The following NRBP1 variants were observed in gnomAD, a reference collection of about 807,000 sequenced individuals.
The protein encoded by NRBP1 is nuclear receptor binding protein 1.
NRBP1 carries 10 observed loss-of-function variants against 76.0 expected under a neutral mutation model. That is an observed-to-expected ratio of 0.13 (90% confidence interval 0.08 to 0.22). NRBP1 has a LOEUF of 0.22. Ranked by LOEUF, NRBP1 falls within the 10% of genes least tolerant of loss-of-function variation. NRBP1 has a pLI of 1.00. For missense variants in NRBP1, 344 were observed against 646.0 expected, an observed-to-expected ratio of 0.53 and a Z score of 5.07; for synonymous variants, 235 against 240.2, an observed-to-expected ratio of 0.98 and a Z score of 0.20.
At chr2:27,433,869 G>A in intron 3 of NRBP1, 74 bp downstream of exon 3, 1 of 1,610,888 alleles carries the variant, frequency 6.2e-7, no homozygotes. Context: ...GTGTTGGGAA[G>A]CTGCCCGTGA....
Position 27,440,445 on chromosome 2 carries a change from T to C in NRBP1, c.1079T>C (p.Met360Thr), listed in dbSNP as rs1664492902. ...GCTCTAGAGGAGATCACCAAAAACA[T>C]GGATACTAGTGCCGTACTGGCTGAA... ...ENALEEITKN[M>T]DTSAVLAEIP... Residue 360 changes from methionine to threonine, a missense_variant, in exon 12 of 18, where the codon ATG becomes ACG. Met to Thr is a moderately conservative substitution (Grantham distance 81). Transcript: ENST00000379852. The C allele has an allele frequency of 6.2e-7, 1 of 1,614,048 alleles. No homozygotes were observed. The highest frequency in any genetic ancestry group is 2.2e-5 in the East Asian group (1 of 44,878).
rs1208085042 is a variant in NRBP1 at position 27,433,414 on chromosome 2, A to C, written c.141A>C (p.Glu47Asp). The change falls in exon 2 of 18, where the codon GAA becomes GAC. Residue 47 changes from glutamate (E) to aspartate (D), a missense_variant. Glu to Asp is a conservative substitution (Grantham distance 45). Around this residue, in one of 3 missense-constraint regions of NRBP1, gnomAD observed 73 missense variants for 287.8 expected, o/e 0.25. Coordinates refer to ENST00000379852, the MANE Select transcript of NRBP1 (RefSeq NM_013392.4). Reference protein sequence around the residue: ...TTSAASPEEEEESEDESEILE... With the variant: ...TTSAASPEEEDESEDESEILE... ...CAGCTGCTTCCCCAGAGGAAGAAGAAGAAAGTGAAGATGAGTCTGAGATTT... is the reference window on the plus strand; with the variant it reads ...CAGCTGCTTCCCCAGAGGAAGAAGACGAAAGTGAAGATGAGTCTGAGATTT... 2 of 1,614,266 alleles carry C rather than the reference A, an allele frequency of 1.2e-6. No homozygotes were observed. The highest frequency in any genetic ancestry group is 4.5e-5 in the East Asian group (2 of 44,886).
chr2:27,429,536 C>T (rs1394427265), intron 1 of NRBP1, among the ~76,000 whole-genome samples: 1 of 147,024 alleles, frequency 6.8e-6, no homozygotes, highest in Non-Finnish European at 1.5e-5. Context: ...CGGCGAGAAT[C>T]CCCTTATGGG....
chr2:27,441,083 T>G, intron 14 of NRBP1, 44 bp from the exon 15 acceptor site: 3 of 1,611,718 alleles, frequency 1.9e-6, no homozygotes, highest in Non-Finnish European at 2.5e-6. Context: ...GTATTGGGTT[T>G]TTTATGGACA....
At chr2:27,435,344 G>A in intron 7 of NRBP1, 117 bp downstream of exon 7, 1 of 771,596 alleles carries the variant, frequency 1.3e-6, no homozygotes, top group South Asian at 1.7e-5. Context: ...CTGGTGAGAA[G>A]AGAAAGGACC....
At chr2:27,428,452 C>T, upstream of NRBP1, 6 of 390,258 alleles carry the variant, frequency 1.5e-5, no homozygotes, top group Non-Finnish European at 2.7e-5. Flanking sequence ...AAAACATCGA[C>T]CCCTCCGAGA....
chr2:27,439,700 G>A, intron 10 of NRBP1, 66 bp from the exon 11 acceptor site: 1 of 1,589,176 alleles, frequency 6.3e-7, no homozygotes, highest in South Asian at 1.1e-5. Flanking sequence ...TAGAATGAGA[G>A]CTATAAAGAT....
intron 10 of NRBP1, among the ~76,000 whole-genome samples, chr2:27,439,484 CAA>C (rs70953858): frequency 8.3e-4 from 55 of 66,648 alleles, no homozygotes; most frequent in African/African-American, 6.4e-4. Flanking sequence ...GACTCCGTCT[CAA>C]AAAAAAAAAA....
rs891896486 is a variant in NRBP1 at position 27,428,681 on chromosome 2, C to A, written c.-71C>A. The A allele has an allele frequency of 4.3e-5, 17 of 397,970 alleles. No individual in the cohort carries two copies. The highest frequency in any genetic ancestry group is 2.6e-4 in the Admixed American group (6 of 22,702). 24.7% of individuals were successfully genotyped at this position (397,970 alleles called of 1,614,324 possible). ...AGGGAGTCGCTGTGATCCGGGGCCC[C>A]GGAACCCGAGCTGGAGCTGAAGCGC... On this transcript the variant is annotated 5_prime_UTR_variant, in exon 1 of 18. Transcript: ENST00000379852.
In NRBP1 at chr2:27,441,271, C is replaced by A. The variant is rs1186395768; in HGVS notation, c.1388C>A (p.Thr463Lys). ...TCTGACTGTCCTATTCTCCAGCTGA[C>A]ACTTCTGCTGAAGTTGGAGGACAAA... Reference protein sequence around the residue: ...SVEEGVKHHLTLLLKLEDKLN... With the variant: ...SVEEGVKHHLKLLLKLEDKLN... The change falls in exon 16 of 18, where the codon ACA (threonine) becomes AAA (lysine). Residue 463 changes from threonine to lysine, a missense_variant. Around this residue, in one of 3 missense-constraint regions of NRBP1, gnomAD observed 218 missense variants for 309.8 expected, o/e 0.70. Coordinates refer to ENST00000379852, the MANE Select transcript of NRBP1 (RefSeq NM_013392.4). 1 of 1,614,010 alleles carries A rather than the reference C, an allele frequency of 6.2e-7. No individual in the cohort carries two copies.
In NRBP1 at chr2:27,433,498, C is replaced by T. The variant is rs372939462; in HGVS notation, c.210+15C>T. 1.3e-5 allele frequency: 21 copies of T among 1,612,826 alleles called. No homozygotes were observed. The African/African-American group carries it at 2.7e-4, about 21-fold the overall frequency. ...GGCGAGAAGAGGTAAGGTTATGGTACAGTTACTCTTGGGTGAGTGAATTCT... is the reference window on the plus strand; with the variant it reads ...GGCGAGAAGAGGTAAGGTTATGGTATAGTTACTCTTGGGTGAGTGAATTCT... On this transcript the variant is annotated intron_variant, in intron 2 of 17. Transcript: ENST00000379852.
At chr2:27,433,621 T>C in intron 2 of NRBP1, 52 bp from the exon 3 acceptor site, 1 of 1,612,108 alleles carries the variant, frequency 6.2e-7, no homozygotes, top group Non-Finnish European at 8.5e-7. Flanking sequence ...AGTGTTAAAA[T>C]GGAGGATTTG....
chr2:27,430,655 T>C (rs1664078082), intron 1 of NRBP1, among the ~76,000 whole-genome samples: 1 of 151,722 alleles, frequency 6.6e-6, no homozygotes, highest in South Asian at 2.1e-4. Flanking sequence ...TATTTTTGTA[T>C]TTTTTTGTTG....
In NRBP1 at chr2:27,440,654, A is replaced by C; in HGVS notation, c.1145A>C (p.Tyr382Ser). ...GPGREPVQTLYSQSPALELDK... is the reference protein window; with the variant it reads ...GPGREPVQTLSSQSPALELDK... The stretch of plus-strand genomic sequence containing the variant: ...CTCCTTTCTCTTTTCTCGTCCAGGT[A>C]CTCTCAGTCACCAGCTCTGGAATTA... The change falls in exon 13 of 18, where the codon TAC (tyrosine) becomes TCC (serine). Residue 382 changes from tyrosine (Y) to serine (S), a missense_variant and splice_region_variant. Around this residue, in one of 3 missense-constraint regions of NRBP1, gnomAD observed 218 missense variants for 309.8 expected, o/e 0.70. Coordinates refer to ENST00000379852, the MANE Select transcript of NRBP1 (RefSeq NM_013392.4). 1 of 1,614,054 alleles carries C rather than the reference A, an allele frequency of 6.2e-7. No individual in the cohort carries two copies. Among genetic ancestry groups the C allele is most frequent in the Non-Finnish European group, 8.5e-7 (1 of 1,180,000 alleles).
intron 10 of NRBP1, 76 bp from the exon 11 acceptor site, chr2:27,439,690 T>TA: frequency 6.4e-7 from 1 of 1,564,402 alleles, no homozygotes; most frequent in Non-Finnish European, 8.7e-7. Context: ...TTGTGCTAAG[T>TA]AGAATGAGAG....
rs1480678955 is a variant in NRBP1, at chr2:27,434,547, C to T, written c.512C>T (p.Thr171Met). 4 of 1,613,516 alleles carry T rather than the reference C, an allele frequency of 2.5e-6. No homozygotes were observed. Among genetic ancestry groups the T allele is most frequent in the Non-Finnish European group, 3.4e-6 (4 of 1,179,632 alleles). Reference protein sequence around the residue: ...FLKKTKKNHKTMNEKAWKRWC... With the variant: ...FLKKTKKNHKMMNEKAWKRWC... Reference sequence around the variant, plus strand: ...AAGAAGACCAAAAAGAACCACAAGACGATGAATGAAAAGGTATAGAAGGAG... The same window carrying T: ...AAGAAGACCAAAAAGAACCACAAGATGATGAATGAAAAGGTATAGAAGGAG... The change falls in exon 5 of 18, where the codon ACG becomes ATG. Residue 171 changes from threonine to methionine, a missense_variant. Thr to Met is a moderately conservative substitution (Grantham distance 81). Transcript: ENST00000379852.
chr2:27,436,035 G>T, intron 7 of NRBP1: 1 of 547,452 alleles, frequency 1.8e-6, no homozygotes, highest in Non-Finnish European at 3.3e-6. Context: ...TCTGTGACTT[G>T]TAGTCATTGT....
intron 10 of NRBP1, 92 bp from the exon 11 acceptor site, chr2:27,439,673 CA>C: frequency 6.7e-7 from 1 of 1,489,622 alleles, no homozygotes; most frequent in Non-Finnish European, 9.1e-7. Flanking sequence ...CTACTATGTA[CA>C]AAGCCTTGTG....
Position 27,433,361 on chromosome 2 carries a change from G to A in NRBP1, c.88G>A (p.Val30Met). The A allele has an allele frequency of 1.9e-6, 3 of 1,614,200 alleles. No individual in the cohort carries two copies. The highest frequency in any genetic ancestry group is 2.5e-6 in the Non-Finnish European group (3 of 1,180,032). ...SSSSAPGLTSVSPPVTSTTSA... is the reference protein window; with the variant it reads ...SSSSAPGLTSMSPPVTSTTSA... ...ATCTTCAGCTCCTGGCCTGACATCA[G>A]TGTCACCTCCTGTGACCTCCACAAC... Residue 30 changes from valine to methionine, a missense_variant, in exon 2 of 18, where the codon GTG becomes ATG. This residue lies in a region of NRBP1 where 53 missense variants were observed against 48.4 expected (regional missense o/e 1.09). Transcript: ENST00000379852.
Sources: allele counts gnomAD v4.1 joint callset (sites outside exome capture counted in the v4.1 genomes callset), GRCh38; gene constraint gnomAD v4.1.1; regional missense constraint gnomAD v4.1.1; transcripts MANE v1.5; gene names NCBI Gene and HGNC (gene_info 2026-07-23, HGNC 2026-07-21).